RP1: variants seen among roughly 807,000 people sequenced by gnomAD.
RP1 encodes the protein oxygen-regulated protein 1.
A neutral mutation model predicts 14.8 loss-of-function variants in RP1; 16 were observed. The ratio of observed to expected loss-of-function variants is 1.08; its 90% CI spans 0.73 to 1.65. The LOEUF is 1.65. Among genes scored for constraint, RP1 ranks in the 40% most tolerant of loss-of-function variants. The pLI, the probability that RP1 is intolerant of heterozygous loss-of-function variation, is 0.00. For synonymous variants in RP1, 876 were observed against 883.6 expected, an observed-to-expected ratio of 0.99 and a Z score of 0.15; for missense variants, 2,631 against 2,535.0, an observed-to-expected ratio of 1.04 and a Z score of -0.81.
chr8:54,726,473 G>T (rs1808656704), exon 17 of RP1: 1 of 1,525,678 alleles, frequency 6.6e-7, no homozygotes, highest in Admixed American at 2.1e-5. Flanking sequence ...TTCTTCAACT[G>T]CAAGTAAGCC....
intron 27 of RP1, among the ~76,000 whole-genome samples, chr8:54,857,702 T>C (rs1436033055): frequency 2.6e-5 from 4 of 152,124 alleles, no homozygotes; most frequent in Non-Finnish European, 5.9e-5. Flanking sequence ...CACAGTTGCA[T>C]GTCTGTTGTG....
At chr8:54,698,303 T>C (rs1231229478) in intron 12 of RP1, among the ~76,000 whole-genome samples, 3 of 152,208 alleles carry the variant, frequency 2.0e-5, no homozygotes, top group East Asian at 3.8e-4. Flanking sequence ...TCATCACTGG[T>C]CATCAGAGAA....
chr8:54,655,985 T>A, intron 5 of RP1: 1 of 768,288 alleles, frequency 1.3e-6, no homozygotes, highest in Non-Finnish European at 1.9e-6. Flanking sequence ...ATATTAAAAA[T>A]AATTCTCTGA....
At chr8:54,662,576 G>C (rs946423727) in intron 6 of RP1, among the ~76,000 whole-genome samples, 2 of 152,118 alleles carry the variant, frequency 1.3e-5, no homozygotes, top group Admixed American at 6.6e-5. Context: ...GTAAAAAAAT[G>C]GTAGCATGTC....
At chr8:54,638,205 T>C (rs886307367) in intron 3 of RP1, among the ~76,000 whole-genome samples, 5 of 152,156 alleles carry the variant, frequency 3.3e-5, no homozygotes, top group African/African-American at 1.2e-4. Context: ...AAATATCTTT[T>C]GGCAGGTGGA....
chr8:54,759,981 G>C (rs758826473), intron 22 of RP1, among the ~76,000 whole-genome samples: 6 of 152,092 alleles, frequency 3.9e-5, no homozygotes, highest in Non-Finnish European at 7.4e-5. Flanking sequence ...CAAAATAGGG[G>C]CAAGCAGAAA....
At chr8:54,741,710 T>C (rs1438420806) in intron 19 of RP1, among the ~76,000 whole-genome samples, 25 of 73,702 alleles carry the variant, frequency 3.4e-4, no homozygotes, top group Middle Eastern at 7.7e-3. Flanking sequence ...TGTGTGTGTA[T>C]ATATATATAT....
At position 54,625,630 on chromosome 8, in the gene RP1, G is replaced by A. The variant is rs1160535627; in HGVS notation, c.1748G>A (p.Cys583Tyr). 2 of 1,614,134 alleles carry A rather than the reference G, an allele frequency of 1.2e-6. No homozygotes were observed. The highest frequency in any genetic ancestry group is 1.1e-5 in the South Asian group (1 of 91,080). ...NSIVEEDVVD[C>Y]VVLDNKTGIK... Reference sequence around the variant, plus strand: ...ATTGTGGAGGAAGATGTAGTTGATTGTGTGGTATTGGACAACAAAACTGGT... The same window carrying A: ...ATTGTGGAGGAAGATGTAGTTGATTATGTGGTATTGGACAACAAAACTGGT... Residue 583 changes from cysteine to tyrosine, a missense_variant, in exon 4 of 4, where the codon TGT (cysteine) becomes TAT (tyrosine). Physicochemically the swap from Cys to Tyr is radical, Grantham distance 194. Coordinates refer to ENST00000220676, the MANE Select transcript of RP1 (RefSeq NM_006269.2).
chr8:54,774,348 G>T (rs1212468590), downstream of RP1, among the ~76,000 whole-genome samples: 1 of 152,122 alleles, frequency 6.6e-6, no homozygotes, highest in Non-Finnish European at 1.5e-5. Context: ...CCATCTTCAG[G>T]ATTGCTTCAT....
chr8:54,697,242 G>A, intron 12 of RP1: 3 of 612,196 alleles, frequency 4.9e-6, no homozygotes, highest in Non-Finnish European at 8.8e-6. Context: ...TCAAAAACTG[G>A]AAAGGAAGGG....
intron 22 of RP1, among the ~76,000 whole-genome samples, chr8:54,765,785 T>C (rs1373041487): frequency 6.6e-6 from 1 of 152,184 alleles, no homozygotes; most frequent in East Asian, 1.9e-4. Flanking sequence ...AGAAGTGTGT[T>C]CATCCTTACC....
At chr8:54,652,281 T>C (rs1806670758) in intron 4 of RP1, among the ~76,000 whole-genome samples, 1 of 152,232 alleles carries the variant, frequency 6.6e-6, no homozygotes, top group Non-Finnish European at 1.5e-5. Context: ...ATTTTGAACT[T>C]TTCAGTTTGC....
intron 8 of RP1, among the ~76,000 whole-genome samples, chr8:54,676,962 A>C (rs1807307223): frequency 6.6e-6 from 1 of 151,984 alleles, no homozygotes; most frequent in Admixed American, 6.6e-5. Context: ...CCAGGTGGAG[A>C]GAATAGTGTA....
At chr8:54,829,559 T>A (rs1466530071) in intron 24 of RP1, among the ~76,000 whole-genome samples, 3 of 152,186 alleles carry the variant, frequency 2.0e-5, no homozygotes, top group Non-Finnish European at 4.4e-5. Flanking sequence ...GATATATTTA[T>A]GATGGAATTA....
chr8:54,711,986 A>G (rs1036769796), intron 15 of RP1, among the ~76,000 whole-genome samples: 5 of 152,202 alleles, frequency 3.3e-5, no homozygotes, highest in African/African-American at 1.2e-4. Flanking sequence ...GTATGATCTA[A>G]TGGTAATGAA....
rs753472023 is a variant in RP1 at position 54,626,517 on chromosome 8, G to A, written c.2635G>A (p.Ala879Thr). The stretch of plus-strand genomic sequence containing the variant: ...AAAACGTAAAGGGGATAAAGTGAAA[G>A]CAAGTGCTATTTTAAGTAAACAACA... ...QKKRKGDKVK[A>T]SAILSKQHAT... Residue 879 changes from alanine to threonine, a missense_variant, in exon 4 of 4, where the codon GCA (alanine) becomes ACA (threonine). Transcript: ENST00000220676. The A allele has an allele frequency of 6.2e-7, 1 of 1,613,646 alleles. No individual in the cohort carries two copies. The highest frequency in any genetic ancestry group is 1.3e-5 in the African/African-American group (1 of 74,874).
chr8:54,709,857 G>C (rs1225430351), intron 15 of RP1, among the ~76,000 whole-genome samples: 1 of 152,152 alleles, frequency 6.6e-6, no homozygotes, highest in Non-Finnish European at 1.5e-5. Context: ...AGAAATAACA[G>C]GTCCATATAT....
chr8:54,814,965 C>T (rs929795259), intron 24 of RP1, among the ~76,000 whole-genome samples: 1 of 152,250 alleles, frequency 6.6e-6, no homozygotes, highest in South Asian at 2.1e-4. Context: ...GCCGAGATTG[C>T]ACCACTGCAC....
chr8:54,613,364 A>G (rs900856580), upstream of RP1, among the ~76,000 whole-genome samples: 13 of 152,294 alleles, frequency 8.5e-5, no homozygotes, highest in Admixed American at 6.5e-4. Flanking sequence ...GGAAAGGTAA[A>G]TTCTAGCAGT....
Sources: gnomAD v4.1 joint callset for allele counts (sites outside exome capture counted in the v4.1 genomes callset) on GRCh38, gnomAD v4.1.1 for gene constraint, MANE v1.5 for transcripts, NCBI Gene and HGNC (gene_info 2026-07-23, HGNC 2026-07-21) for gene names.